The following ANKS1B variants were observed in gnomAD, a reference collection of about 807,000 sequenced individuals.
The protein encoded by ANKS1B is ankyrin repeat and sterile alpha motif domain-containing protein 1B.
ANKS1B carries 36 observed loss-of-function variants against 148.3 expected under a neutral mutation model. That is an observed-to-expected ratio of 0.24 (90% confidence interval 0.19 to 0.32). ANKS1B has a LOEUF of 0.32. Ranked by LOEUF, ANKS1B falls within the 10% of genes least tolerant of loss-of-function variation. The pLI, the probability that ANKS1B is intolerant of heterozygous loss-of-function variation, is 1.00. For synonymous variants in ANKS1B, 542 were observed against 560.8 expected, an observed-to-expected ratio of 0.97 and a Z score of 0.47; for missense variants, 1,157 against 1,542.6, an observed-to-expected ratio of 0.75 and a Z score of 4.19.
chr12:99,327,408 ATAAT>A (rs1370667458), intron 12 of ANKS1B, among the ~76,000 whole-genome samples: 12 of 124,354 alleles, frequency 9.6e-5, no homozygotes, highest in Non-Finnish European at 1.8e-4. Flanking sequence ...CATATTATAT[ATAAT>A]TATATATTAT....
At chr12:98,911,656 TGCAAAACAG>T (rs1187520305) in intron 17 of ANKS1B, among the ~76,000 whole-genome samples, 1 of 152,176 alleles carries the variant, frequency 6.6e-6, no homozygotes, top group Non-Finnish European at 1.5e-5. Context: ...GTCTGGTGTG[TGCAAAACAG>T]GCAAGGTCAC....
At chr12:99,376,072 T>C (rs2093378783) in intron 12 of ANKS1B, among the ~76,000 whole-genome samples, 1 of 152,226 alleles carries the variant, frequency 6.6e-6, no homozygotes, top group Non-Finnish European at 1.5e-5. Flanking sequence ...AATACATGAA[T>C]TATCAAACCA....
intron 1 of ANKS1B, among the ~76,000 whole-genome samples, chr12:99,981,902 G>A (rs1566136050): frequency 6.6e-6 from 1 of 152,008 alleles, no homozygotes; most frequent in Non-Finnish European, 1.5e-5. Flanking sequence ...TATGTTTGAC[G>A]GGGGACACAT....
At chr12:99,290,943 A>G (rs1462922118) in intron 12 of ANKS1B, among the ~76,000 whole-genome samples, 1 of 152,140 alleles carries the variant, frequency 6.6e-6, no homozygotes, top group Non-Finnish European at 1.5e-5. Context: ...GACAACAGAA[A>G]GAAATAAAAG....
At chr12:99,151,284 T>G (rs999642050) in intron 15 of ANKS1B, among the ~76,000 whole-genome samples, 4 of 152,126 alleles carry the variant, frequency 2.6e-5, no homozygotes, top group Non-Finnish European at 5.9e-5. Context: ...TCTCAGCACT[T>G]TGGGAGGCCA....
intron 8 of ANKS1B, among the ~76,000 whole-genome samples, chr12:99,734,865 A>G (rs1361630953): frequency 6.6e-6 from 1 of 152,166 alleles, no homozygotes; most frequent in African/African-American, 2.4e-5. Flanking sequence ...CATCTTAACC[A>G]AGCCTTTCTC....
At chr12:99,201,406 A>C (rs952704160) in intron 14 of ANKS1B, among the ~76,000 whole-genome samples, 2 of 152,156 alleles carry the variant, frequency 1.3e-5, no homozygotes, top group Admixed American at 6.5e-5. Flanking sequence ...TGGTAGGTGG[A>C]TGTGTTTGAA....
intron 17 of ANKS1B, among the ~76,000 whole-genome samples, chr12:98,995,730 C>A (rs181670435): frequency 6.6e-6 from 1 of 152,148 alleles, no homozygotes; most frequent in Admixed American, 6.5e-5. Flanking sequence ...GTGATCCCTG[C>A]GAGGAACCAT....
chr12:99,854,789 G>A (rs905438073), intron 1 of ANKS1B, among the ~76,000 whole-genome samples: 3 of 152,052 alleles, frequency 2.0e-5, no homozygotes, highest in African/African-American at 7.2e-5. Flanking sequence ...TTTGCATCCA[G>A]CAAAAGTAAG....
chr12:99,680,243 C>T (rs1227651089), intron 8 of ANKS1B, among the ~76,000 whole-genome samples: 2 of 152,168 alleles, frequency 1.3e-5, no homozygotes, highest in Admixed American at 1.3e-4. Flanking sequence ...AAGTTCAAGA[C>T]CAGCCTGGCC....
intron 17 of ANKS1B, among the ~76,000 whole-genome samples, chr12:98,854,931 G>A (rs534388691): frequency 5.3e-4 from 81 of 151,714 alleles, no homozygotes; most frequent in African/African-American, 1.8e-3. Flanking sequence ...AGGCCGAGGC[G>A]GGTGGATCAT....
At chr12:99,712,492 G>C (rs2056774866) in intron 8 of ANKS1B, among the ~76,000 whole-genome samples, 1 of 152,218 alleles carries the variant, frequency 6.6e-6, no homozygotes, top group South Asian at 2.1e-4. Context: ...ACAAGGTAAT[G>C]AGAAGAGGGC....
rs2094113645 is a variant in ANKS1B at position 99,392,647 on chromosome 12, AAGAT to A, written c.1756+6980_1756+6983del. 1.3e-4 allele frequency among the ~76,000 whole-genome samples: 20 copies of A among 152,324 alleles called. No individual in the cohort carries two copies. The South Asian group carries it at 4.1e-3, about 32-fold the overall frequency. On this transcript the variant is annotated intron_variant, in intron 12 of 26. Transcript: ENST00000683438. ...AACTTTTTGGACACAGCTTTCTATA[AAGAT>A]AGAGAACACCTGTTATCACTGGCGA...
At chr12:99,080,011 A>C (rs1210469596) in intron 16 of ANKS1B, 2 of 152,444 alleles carry the variant, frequency 1.3e-5, no homozygotes, top group East Asian at 3.9e-4. Context: ...GACTTTCCAA[A>C]CTTCCCATTC....
chr12:99,366,010 G>A (rs917493071), intron 12 of ANKS1B, among the ~76,000 whole-genome samples: 7 of 152,130 alleles, frequency 4.6e-5, no homozygotes, highest in South Asian at 2.1e-4. Flanking sequence ...GAAAATCAGC[G>A]TCACTGGACC....
Position 99,205,278 on chromosome 12 carries a change from T to C in ANKS1B, c.2419+39064A>G, listed in dbSNP as rs116771473. Reference sequence around the variant, plus strand: ...GTAACATTTAAACAATCAGTCTGCTTTTTGTTTTCTATTTTTGCTTTCCTC... The same window carrying C: ...GTAACATTTAAACAATCAGTCTGCTCTTTGTTTTCTATTTTTGCTTTCCTC... On this transcript the variant is annotated intron_variant, in intron 14 of 26. Transcript: ENST00000683438. Among the ~76,000 whole-genome samples, 762 of 152,340 alleles carry C rather than the reference T, an allele frequency of 5.0e-3. 9 individuals are homozygous for C. The highest frequency in any genetic ancestry group is 0.018 in the African/African-American group (745 of 41,590).
chr12:99,357,037 C>T (rs1327995585), intron 12 of ANKS1B, among the ~76,000 whole-genome samples: 1 of 151,534 alleles, frequency 6.6e-6, no homozygotes, highest in Non-Finnish European at 1.5e-5. Context: ...ACAAACCTAT[C>T]AAATGCCTCC....
chr12:99,761,079 A>C (rs1467484049), intron 8 of ANKS1B, among the ~76,000 whole-genome samples: 1 of 150,138 alleles, frequency 6.7e-6, no homozygotes, highest in Non-Finnish European at 1.5e-5. Context: ...AAAAAAAAAA[A>C]AAAACCCTGG....
intron 9 of ANKS1B, among the ~76,000 whole-genome samples, chr12:99,654,554 T>C (rs984756256): frequency 3.9e-5 from 6 of 152,302 alleles, no homozygotes; most frequent in Admixed American, 1.3e-4. Flanking sequence ...GTAGTCTTAA[T>C]GATAGTGAAA....
Sources: allele counts gnomAD v4.1 joint callset (sites outside exome capture counted in the v4.1 genomes callset), GRCh38; gene constraint gnomAD v4.1.1; transcripts MANE v1.5; gene names NCBI Gene and HGNC (gene_info 2026-07-23, HGNC 2026-07-21).